GLG1: variants seen among roughly 807,000 people sequenced by gnomAD.
The protein encoded by GLG1 is Golgi apparatus protein 1.
GLG1 carries 38 observed loss-of-function variants against 160.5 expected under a neutral mutation model. The observed-to-expected ratio is 0.24, with a 90% CI of 0.18 to 0.31. The LOEUF is 0.31. GLG1 is among the 10% of genes least tolerant of loss of function. GLG1 has a pLI of 1.00. For synonymous variants in GLG1, 644 were observed against 543.4 expected (o/e 1.19, Z -2.57); for missense variants, 1,373 against 1,505.2 (o/e 0.91, Z 1.45).
chr16:74,480,548 T>A (rs369777303), intron 10 of GLG1, among the ~76,000 whole-genome samples, 154 bp from the exon 11 acceptor site: 67 of 152,134 alleles, frequency 4.4e-4, no homozygotes, highest in African/African-American at 1.6e-3. Flanking sequence ...TATTCCTGAA[T>A]TTTGTTCTTT....
intron 1 of GLG1, among the ~76,000 whole-genome samples, chr16:74,536,350 G>C (rs2017687350): frequency 6.6e-6 from 1 of 151,932 alleles, no homozygotes; most frequent in South Asian, 2.1e-4. Context: ...TTCCTCTTTG[G>C]TAATAATTAG....
intron 7 of GLG1, among the ~76,000 whole-genome samples, chr16:74,492,162 A>C (rs1186753501): frequency 1.4e-5 from 2 of 145,516 alleles, no homozygotes; most frequent in Non-Finnish European, 3.0e-5. Context: ...CGAGGCAGGC[A>C]GATCACGAGG....
intron 2 of GLG1, among the ~76,000 whole-genome samples, chr16:74,510,801 T>C (rs1401586222): frequency 6.6e-6 from 1 of 152,152 alleles, no homozygotes; most frequent in Non-Finnish European, 1.5e-5. Flanking sequence ...CTACAGTCAA[T>C]GGCAGGGAGT....
At chr16:74,458,067 T>G in intron 23 of GLG1, 73 bp from the exon 24 acceptor site, 1 of 1,427,006 alleles carries the variant, frequency 7.0e-7, no homozygotes, top group East Asian at 2.3e-5. Context: ...TGTAAATACT[T>G]CATATACTAA....
intron 1 of GLG1, among the ~76,000 whole-genome samples, chr16:74,544,928 T>C (rs2018004295): frequency 6.6e-6 from 1 of 151,660 alleles, no homozygotes; most frequent in South Asian, 2.1e-4. Flanking sequence ...TAGAAGAGTG[T>C]TAATTCTGCA....
intron 1 of GLG1, among the ~76,000 whole-genome samples, chr16:74,582,525 C>A (rs1957961228): frequency 6.6e-6 from 1 of 152,080 alleles, no homozygotes; most frequent in Non-Finnish European, 1.5e-5. Context: ...ACTTTTCGGT[C>A]AAAATCTGGG....
chr16:74,582,687 C>A (rs919393121), intron 1 of GLG1, among the ~76,000 whole-genome samples: 1 of 151,736 alleles, frequency 6.6e-6, no homozygotes, highest in Non-Finnish European at 1.5e-5. Flanking sequence ...GGCGTGGTGG[C>A]GGGCGCCTAT....
At chr16:74,457,134 C>T (rs1248613979) in intron 24 of GLG1, among the ~76,000 whole-genome samples, 1 of 152,300 alleles carries the variant, frequency 6.6e-6, no homozygotes, top group African/African-American at 2.4e-5. Flanking sequence ...GTGGCTTATG[C>T]CTGTAATCCC....
intron 1 of GLG1, among the ~76,000 whole-genome samples, chr16:74,541,694 A>T (rs2017871606): frequency 6.6e-6 from 1 of 152,232 alleles, no homozygotes; most frequent in South Asian, 2.1e-4. Context: ...TAACCATTTT[A>T]AACAACAAAA....
chr16:74,467,374 A>G (rs1389745937), intron 18 of GLG1, among the ~76,000 whole-genome samples: 1 of 152,162 alleles, frequency 6.6e-6, no homozygotes, highest in East Asian at 1.9e-4. Context: ...TTCTGATGTG[A>G]CGTCTAGTTA....
In GLG1 at chr16:74,571,724, C is replaced by T. The variant is rs534965699; in HGVS notation, c.438+34933G>A. ...CCTGTGGTCCCAGCTATTTGGGAGG[C>T]TGATGTGGGAAGATAGCCTAAGCCC... On this transcript the variant is annotated intron_variant, in intron 1 of 25. Coordinates refer to ENST00000422840, the MANE Select transcript of GLG1 (RefSeq NM_001145667.2). Among the ~76,000 whole-genome samples, 9 of 151,830 alleles carry T rather than the reference C, an allele frequency of 5.9e-5. No homozygotes were observed. The East Asian group carries it at 1.7e-3, about 29-fold the overall frequency.
At chr16:74,559,318 C>T (rs1446866402) in intron 1 of GLG1, among the ~76,000 whole-genome samples, 2 of 151,414 alleles carry the variant, frequency 1.3e-5, no homozygotes, top group African/African-American at 4.9e-5. Context: ...TGGTGTGCAA[C>T]TGTAATCCAA....
chr16:74,574,080 C>T (rs1256414796), intron 1 of GLG1, among the ~76,000 whole-genome samples: 24 of 152,204 alleles, frequency 1.6e-4, no homozygotes, highest in Non-Finnish European at 1.5e-5. Context: ...CACATACACA[C>T]ATACACTTAT....
chr16:74,461,199 G>A (rs938499555), intron 22 of GLG1, among the ~76,000 whole-genome samples: 15 of 145,146 alleles, frequency 1.0e-4, no homozygotes, highest in African/African-American at 3.9e-4. Flanking sequence ...ATGGAACCTC[G>A]CTCTGTCGCC....
intron 2 of GLG1, among the ~76,000 whole-genome samples, chr16:74,511,507 C>G (rs1304686839): frequency 2.0e-5 from 3 of 149,040 alleles, no homozygotes; most frequent in Admixed American, 1.4e-4. Context: ...TAAAAATTAG[C>G]CAGGCGTGGT....
chr16:74,590,998 T>G (rs1441564241), intron 1 of GLG1, among the ~76,000 whole-genome samples: 2 of 151,898 alleles, frequency 1.3e-5, no homozygotes, highest in African/African-American at 4.8e-5. Flanking sequence ...GTTGTGGATT[T>G]TCAACTATTT....
chr16:74,519,660 C>T (rs540588436), intron 2 of GLG1, among the ~76,000 whole-genome samples: 21 of 151,722 alleles, frequency 1.4e-4, no homozygotes, highest in Non-Finnish European at 1.9e-4. Context: ...TTGAGTCAAA[C>T]GGTTCTATAA....
rs2017925671 is a variant in GLG1 at position 74,542,754 on chromosome 16, G to GAAGGAAGGA, written c.439-10610_439-10602dup. 1.9e-4 allele frequency among the ~76,000 whole-genome samples: 7 copies of GAAGGAAGGA among 36,310 alleles called. 1 individual carries two copies. The highest frequency in any genetic ancestry group is 6.4e-4 in the African/African-American group (5 of 7,866). 23.8% of individuals were successfully genotyped at this position (36,310 alleles called of 152,430 possible). ...GGAAGGGAGGAAGGAAGGAAGGAAG[G>GAAGGAAGGA]AAGGAAGGAAGGAAGGAAGGAAGGA... On this transcript the variant is annotated intron_variant, in intron 1 of 25. Transcript: ENST00000422840.
At chr16:74,521,571 T>C (rs2017165583) in intron 2 of GLG1, among the ~76,000 whole-genome samples, 1 of 152,034 alleles carries the variant, frequency 6.6e-6, no homozygotes, top group Admixed American at 6.6e-5. Context: ...GAGGAGCCAC[T>C]AGTGGGGATG....
Sources: allele counts gnomAD v4.1 joint callset (sites outside exome capture counted in the v4.1 genomes callset), GRCh38; gene constraint gnomAD v4.1.1; transcripts MANE v1.5; gene names NCBI Gene and HGNC (gene_info 2026-07-23, HGNC 2026-07-21).